GPC6: variants seen among roughly 807,000 people sequenced by gnomAD.
The protein encoded by GPC6 is glypican 6, also known as glypican-6.
GPC6 carries 14 observed loss-of-function variants against 55.2 expected under a neutral mutation model. That is an observed-to-expected ratio of 0.25 (90% CI 0.17 to 0.40). The LOEUF (loss-of-function observed/expected upper bound fraction) is 0.40, where lower values mean the gene tolerates loss of function less well. Among genes scored for constraint, GPC6 ranks in the 10% least tolerant of loss-of-function variants. The pLI, the probability that GPC6 is intolerant of heterozygous loss-of-function variation, is 1.00. For synonymous variants in GPC6, 278 were observed against 259.6 expected (o/e 1.07, Z -0.68); for missense variants, 641 against 708.5 (o/e 0.90, Z 1.08).
intron 2 of GPC6, among the ~76,000 whole-genome samples, chr13:93,615,310 C>T (rs931710064): frequency 6.6e-6 from 1 of 152,106 alleles, no homozygotes; most frequent in African/African-American, 2.4e-5. Flanking sequence ...AAGTCAGTGT[C>T]TCTTCCTGTT....
At chr13:93,484,660 T>C (rs1040744376) in intron 1 of GPC6, among the ~76,000 whole-genome samples, 2 of 152,110 alleles carry the variant, frequency 1.3e-5, no homozygotes, top group Non-Finnish European at 2.9e-5. Context: ...TTGAAAACAA[T>C]GTCAAACTTG....
At chr13:93,925,166 C>A (rs1189279966) in intron 3 of GPC6, among the ~76,000 whole-genome samples, 1 of 152,144 alleles carries the variant, frequency 6.6e-6, no homozygotes, top group African/African-American at 2.4e-5. Context: ...TTTATAAGGG[C>A]AGGCGCTGAA....
At chr13:93,878,621 A>G (rs1427532010) in intron 3 of GPC6, among the ~76,000 whole-genome samples, 2 of 151,992 alleles carry the variant, frequency 1.3e-5, no homozygotes, top group African/African-American at 4.8e-5. Flanking sequence ...CCAGTGATCC[A>G]TGCACCTCAG....
intron 3 of GPC6, among the ~76,000 whole-genome samples, chr13:94,006,128 G>A (rs116147498): frequency 0.025 from 3,840 of 152,246 alleles, 177 homozygotes; most frequent in African/African-American, 0.088. Flanking sequence ...GGCATGCTAA[G>A]CCAGAATCCC....
chr13:93,392,484 G>T (rs1176441738), intron 1 of GPC6, among the ~76,000 whole-genome samples: 1 of 152,080 alleles, frequency 6.6e-6, no homozygotes, highest in African/African-American at 2.4e-5. Flanking sequence ...TTCTACTCTA[G>T]CTAATAGATC....
intron 3 of GPC6, among the ~76,000 whole-genome samples, chr13:93,934,447 T>C (rs1359115048): frequency 1.3e-5 from 2 of 152,236 alleles, no homozygotes; most frequent in East Asian, 3.8e-4. Context: ...TTTTCATTTA[T>C]TGAGGTAAAA....
chr13:94,037,505 AT>A (rs767545446), intron 4 of GPC6, among the ~76,000 whole-genome samples: 2 of 152,006 alleles, frequency 1.3e-5, no homozygotes, highest in Non-Finnish European at 2.9e-5. Context: ...AAATAAAAAA[AT>A]ACCTAATAGT....
chr13:94,250,880 C>A (rs1196300148), intron 4 of GPC6, among the ~76,000 whole-genome samples: 1 of 151,970 alleles, frequency 6.6e-6, no homozygotes, highest in African/African-American at 2.4e-5. Context: ...TTCTTAAATT[C>A]CTCTTAAAGG....
intron 2 of GPC6, among the ~76,000 whole-genome samples, chr13:93,648,120 C>T (rs1331594784): frequency 1.3e-5 from 2 of 152,110 alleles, no homozygotes. Flanking sequence ...AGCCCCTCCA[C>T]CTGGGTACTG....
chr13:94,106,567 T>A lies in GPC6; in HGVS notation c.877+78673T>A, dbSNP rs77543946. On this transcript the variant is annotated intron_variant, in intron 4 of 8. Transcript: ENST00000377047. ...GGAAGGAGAGAGGGAGGGAAAGAGA[T>A]TAAAAGTGTGAAAAAGAGACGAGCA... is the stretch of plus-strand genomic sequence containing the variant. Among the ~76,000 whole-genome samples the A allele has an allele frequency of 6.2e-3, 927 of 150,544 alleles. 65 individuals carry two copies. The East Asian group carries it at 0.16, about 25-fold the overall frequency.
chr13:94,228,082 CG>C (rs1189930507), intron 4 of GPC6, among the ~76,000 whole-genome samples: 3 of 152,082 alleles, frequency 2.0e-5, no homozygotes, highest in Non-Finnish European at 4.4e-5. Flanking sequence ...TTAATTGTTC[CG>C]TGGGACAAGA....
chr13:93,315,955 C>T (rs534256610), intron 1 of GPC6, among the ~76,000 whole-genome samples: 5 of 152,092 alleles, frequency 3.3e-5, no homozygotes, highest in Admixed American at 6.6e-5. Flanking sequence ...AAATTAATAA[C>T]GTTCATATAT....
chr13:94,238,079 A>C (rs543248221), intron 4 of GPC6, among the ~76,000 whole-genome samples: 1 of 152,194 alleles, frequency 6.6e-6, no homozygotes, highest in Non-Finnish European at 1.5e-5. Context: ...GTAGATAAAC[A>C]TGCCATTTAC....
intron 4 of GPC6, among the ~76,000 whole-genome samples, chr13:94,105,785 C>A (rs565835213): frequency 6.6e-6 from 1 of 152,284 alleles, no homozygotes; most frequent in East Asian, 1.9e-4. Context: ...AATGGTGAAT[C>A]TTTACCGGGA....
intron 1 of GPC6, among the ~76,000 whole-genome samples, chr13:93,486,994 CAA>C (rs1379490014): frequency 1.3e-5 from 2 of 149,282 alleles, no homozygotes; most frequent in Non-Finnish European, 1.5e-5. Flanking sequence ...AACAAAAAAA[CAA>C]AGAGACCATC....
At chr13:93,993,088 A>AT (rs966718491) in intron 3 of GPC6, among the ~76,000 whole-genome samples, 25 of 152,200 alleles carry the variant, frequency 1.6e-4, no homozygotes, top group African/African-American at 5.8e-4. Flanking sequence ...AGTTGATTAG[A>AT]TTTTTTCCTT....
At chr13:93,884,400 A>G (rs78177833) in intron 3 of GPC6, among the ~76,000 whole-genome samples, 4,325 of 152,156 alleles carry the variant, frequency 0.028, 200 homozygotes, top group African/African-American at 0.097. Flanking sequence ...CCTTCAAATC[A>G]TAGATATTTG....
chr13:93,572,504 A>G (rs567035592), intron 2 of GPC6, among the ~76,000 whole-genome samples: 1 of 152,244 alleles, frequency 6.6e-6, no homozygotes, highest in Admixed American at 6.5e-5. Context: ...GATACTCCTA[A>G]GGGTATGACC....
intron 3 of GPC6, among the ~76,000 whole-genome samples, chr13:93,937,158 C>A (rs1878478726): frequency 6.6e-6 from 1 of 152,224 alleles, no homozygotes; most frequent in Admixed American, 6.5e-5. Context: ...CCAGTGATTT[C>A]TTTCCTGTTA....
Sources: gnomAD v4.1 joint callset for allele counts (sites outside exome capture counted in the v4.1 genomes callset) on GRCh38, gnomAD v4.1.1 for gene constraint, MANE v1.5 for transcripts, NCBI Gene and HGNC (gene_info 2026-07-23, HGNC 2026-07-21) for gene names.